The following SLCO5A1 variants were observed in gnomAD, a reference collection of about 807,000 sequenced individuals.
SLCO5A1 encodes the protein solute carrier organic anion transporter family member 5A1.
A neutral mutation model predicts 65.1 loss-of-function variants in SLCO5A1; 39 were observed. The ratio of observed to expected loss-of-function variants is 0.60; its 90% CI spans 0.46 to 0.78. The LOEUF is 0.78. Ranked by LOEUF, SLCO5A1 falls within the 30% of genes least tolerant of loss-of-function variation. The pLI is 0.00. For synonymous variants in SLCO5A1, 438 were observed against 415.7 expected, an observed-to-expected ratio of 1.05 and a Z score of -0.65; for missense variants, 1,029 against 1,069.4, an observed-to-expected ratio of 0.96 and a Z score of 0.53.
intron 2 of SLCO5A1, among the ~76,000 whole-genome samples, chr8:69,828,821 A>G (rs961738946): frequency 1.3e-5 from 2 of 152,034 alleles, no homozygotes; most frequent in Non-Finnish European, 2.9e-5. Context: ...TGCACTTGCT[A>G]TTTTTCTTCT....
In SLCO5A1 at chr8:69,760,769, C is replaced by T. The variant is rs139821574; in HGVS notation, c.1040+974G>A. ...AAGTTGAGGACTGCAAGAACTCAAA[C>T]GCAACTCTGTTATTTGGATAAATAA... On this transcript the variant is annotated intron_variant, in intron 3 of 9. Coordinates refer to ENST00000260126, the MANE Select transcript of SLCO5A1 (RefSeq NM_030958.3). Among the ~76,000 whole-genome samples the T allele has an allele frequency of 2.1e-3, 319 of 152,276 alleles. 1 individual carries two copies. The highest frequency in any genetic ancestry group is 7.2e-3 in the African/African-American group (299 of 41,558).
rs894037045 is a variant in SLCO5A1 at position 69,670,341 on chromosome 8, C to G, written c.*2528G>C. 10 of 152,144 alleles carry G rather than the reference C, an allele frequency of 6.6e-5. No homozygotes were observed. The highest frequency in any genetic ancestry group is 5.9e-4 in the Admixed American group (9 of 15,262). The allele number at this position is 152,144 out of a possible 1,614,324, so 9.4% of individuals were successfully genotyped here. A position where few individuals can be genotyped will look rare whatever the true frequency, so the allele number is the denominator to read the frequency against. On this transcript the variant is annotated 3_prime_UTR_variant, in exon 10 of 10. Transcript: ENST00000260126. ...CAATTAAATGGTATCATCTACAAAA[C>G]AGTCACTTCAGTTGGCTATGTAATA...
At position 69,682,034 on chromosome 8, in the gene SLCO5A1, T is replaced by G. The variant is rs1486823405; in HGVS notation, c.1782+150A>C. 109 of 787,606 alleles carry G rather than the reference T, an allele frequency of 1.4e-4. 3 individuals carry two copies. The South Asian group carries it at 2.1e-3, about 15-fold the overall frequency. 48.8% of individuals were successfully genotyped at this position (787,606 alleles called of 1,614,324 possible). ...AATAATAGCAATGCATAATTTTCTT[T>G]CCTCTAGGTTTTCATCAGAGGTATT... is the stretch of plus-strand genomic sequence containing the variant. On this transcript the variant is annotated intron_variant, in intron 7 of 9. Coordinates refer to ENST00000260126, the MANE Select transcript of SLCO5A1 (RefSeq NM_030958.3).
chr8:69,783,915 G>A (rs1818906728), intron 2 of SLCO5A1, among the ~76,000 whole-genome samples: 1 of 152,148 alleles, frequency 6.6e-6, no homozygotes, highest in Admixed American at 6.5e-5. Flanking sequence ...TGACAAGGAT[G>A]TGGCAATGTA....
intron 6 of SLCO5A1, among the ~76,000 whole-genome samples, chr8:69,684,991 C>T (rs138685437): frequency 2.3e-4 from 35 of 152,306 alleles, no homozygotes; most frequent in African/African-American, 7.9e-4. Context: ...GTTTAGGAAA[C>T]GAGCACAGAC....
intron 6 of SLCO5A1, among the ~76,000 whole-genome samples, chr8:69,702,640 T>C (rs1814795028): frequency 6.6e-6 from 1 of 152,184 alleles, no homozygotes; most frequent in Non-Finnish European, 1.5e-5. Context: ...ACATTCTAAA[T>C]TGGCTAGATG....
At chr8:69,756,599 A>G (rs1817552182) in intron 3 of SLCO5A1, among the ~76,000 whole-genome samples, 1 of 152,240 alleles carries the variant, frequency 6.6e-6, no homozygotes. Flanking sequence ...ATATTAGGTT[A>G]TATGGTACAG....
intron 5 of SLCO5A1, among the ~76,000 whole-genome samples, chr8:69,707,643 G>T (rs1226986221): frequency 6.6e-6 from 1 of 152,176 alleles, no homozygotes; most frequent in Non-Finnish European, 1.5e-5. Flanking sequence ...TATTACAAAG[G>T]TCAATCTTGA....
At chr8:69,731,369 C>A (rs537821284) in intron 5 of SLCO5A1, among the ~76,000 whole-genome samples, 23 of 152,228 alleles carry the variant, frequency 1.5e-4, no homozygotes, top group Non-Finnish European at 2.5e-4. Context: ...ACCTAATCAT[C>A]TTTACTTTAA....
At chr8:69,746,661 A>G (rs1480431230) in intron 4 of SLCO5A1, among the ~76,000 whole-genome samples, 1 of 152,250 alleles carries the variant, frequency 6.6e-6, no homozygotes, top group East Asian at 1.9e-4. Context: ...GTGGTGTAAT[A>G]AAGAAAGGCA....
chr8:69,750,496 T>C (rs1817243654), intron 4 of SLCO5A1, among the ~76,000 whole-genome samples: 1 of 152,118 alleles, frequency 6.6e-6, no homozygotes, highest in African/African-American at 2.4e-5. Context: ...TGTGCCCTGC[T>C]TGACCTTCCC....
rs188082100 is a variant in SLCO5A1 at position 69,816,946 on chromosome 8, C to G, written c.907+14821G>C. Among the ~76,000 whole-genome samples the G allele has an allele frequency of 2.1e-3, 317 of 152,184 alleles. 2 individuals are homozygous for G. Among genetic ancestry groups the G allele is most frequent in the Non-Finnish European group, 3.2e-3 (217 of 68,006 alleles). ...TTGTATCATAATTATTTTTTTAATTCAGATGGATTTATAGTCCATATATCC... is the reference window on the plus strand; with the variant it reads ...TTGTATCATAATTATTTTTTTAATTGAGATGGATTTATAGTCCATATATCC... On this transcript the variant is annotated intron_variant, in intron 2 of 9. Transcript: ENST00000260126.
At chr8:69,782,887 A>T (rs770740470) in intron 2 of SLCO5A1, among the ~76,000 whole-genome samples, 2 of 152,186 alleles carry the variant, frequency 1.3e-5, no homozygotes, top group Non-Finnish European at 2.9e-5. Flanking sequence ...ACTCATATTC[A>T]AGAGGTTCGT....
rs1813265464 is a variant in SLCO5A1, at chr8:69,669,278, C to T, written c.*3591G>A. ...TGTTTCCTACAGTTTTTTTTATTTA[C>T]ACAAAAAAACCTCTCTACTCTTCAT... On this transcript the variant is annotated 3_prime_UTR_variant, in exon 10 of 10. Transcript: ENST00000260126. 1 of 151,596 alleles carries T rather than the reference C, an allele frequency of 6.6e-6. No homozygotes were observed. The highest frequency in any genetic ancestry group is 6.6e-5 in the Admixed American group (1 of 15,222). The allele number at this position is 151,596 out of a possible 1,614,324, so 9.4% of individuals were successfully genotyped here. A position where few individuals can be genotyped will look rare whatever the true frequency, so the allele number is the denominator to read the frequency against.
chr8:69,739,173 A>T (rs1162190136), intron 4 of SLCO5A1, among the ~76,000 whole-genome samples: 1 of 152,238 alleles, frequency 6.6e-6, no homozygotes, highest in Non-Finnish European at 1.5e-5. Flanking sequence ...ATTCTATTTA[A>T]TTAAAAATCA....
At chr8:69,749,866 G>A (rs1203783958) in intron 4 of SLCO5A1, among the ~76,000 whole-genome samples, 1 of 152,150 alleles carries the variant, frequency 6.6e-6, no homozygotes, top group Non-Finnish European at 1.5e-5. Flanking sequence ...AAGGCAGGAT[G>A]GAGGTAAGAA....
At chr8:69,777,111 G>A (rs1818592566) in intron 2 of SLCO5A1, among the ~76,000 whole-genome samples, 2 of 152,222 alleles carry the variant, frequency 1.3e-5, no homozygotes, top group South Asian at 4.1e-4. Context: ...GTTCATAGAA[G>A]CCTTATTCGT....
chr8:69,784,945 A>T (rs1052335986), intron 2 of SLCO5A1, among the ~76,000 whole-genome samples: 1 of 139,580 alleles, frequency 7.2e-6, no homozygotes, highest in Admixed American at 7.3e-5. Context: ...AAAGAAAGAA[A>T]GAAAGAAGAA....
At chr8:69,770,973 T>C (rs2130873382) in intron 2 of SLCO5A1, among the ~76,000 whole-genome samples, 1 of 152,288 alleles carries the variant, frequency 6.6e-6, no homozygotes, top group South Asian at 2.1e-4. Context: ...TCTTTCACTT[T>C]TAGCTTTTGA....
Sources: allele counts gnomAD v4.1 joint callset (sites outside exome capture counted in the v4.1 genomes callset), GRCh38; gene constraint gnomAD v4.1.1; transcripts MANE v1.5; gene names NCBI Gene and HGNC (gene_info 2026-07-23, HGNC 2026-07-21).